The following PRRT3 variants were observed in gnomAD, a reference collection of about 807,000 sequenced individuals.
PRRT3 encodes the protein proline rich transmembrane protein 3.
PRRT3 carries 48 observed loss-of-function variants against 56.6 expected under a neutral mutation model. That is an observed-to-expected ratio of 0.85 (90% CI 0.67 to 1.08). The LOEUF (loss-of-function observed/expected upper bound fraction) is 1.08. Among genes scored for constraint, PRRT3 ranks in the 50% least tolerant of loss-of-function variants. The probability of loss-of-function intolerance (pLI) is 0.00; values close to 1 mark genes in which losing one functional copy is unlikely to be tolerated. For missense variants in PRRT3, 1,370 were observed against 1,353.1 expected, an observed-to-expected ratio of 1.01 and a Z score of -0.20; for synonymous variants, 641 against 619.1, an observed-to-expected ratio of 1.04 and a Z score of -0.52.
intron 3 of PRRT3, 200 bp from the exon 4 acceptor site, chr3:9,948,201 A>G (rs1439622796): frequency 2.2e-6 from 1 of 451,116 alleles, no homozygotes; most frequent in African/African-American, 2.0e-5. Context: ...AATGGATGTC[A>G]GCTATCATTT....
chr3:9,948,505 T>G, intron 3 of PRRT3: 1 of 511,868 alleles, frequency 2.0e-6, no homozygotes, highest in Non-Finnish European at 3.4e-6. Context: ...TTTTATATAT[T>G]TTTTTTGTTC....
chr3:9,948,641 T>C, intron 3 of PRRT3, 117 bp downstream of exon 3: 1 of 1,240,780 alleles, frequency 8.1e-7, no homozygotes, highest in Non-Finnish European at 1.2e-6. Flanking sequence ...GGCAACTCCT[T>C]TAAGGAGGTG....
At position 9,950,013 on chromosome 3, in the gene PRRT3, C is replaced by T; in HGVS notation, c.103G>A (p.Glu35Lys). The T allele has an allele frequency of 6.5e-7, 1 of 1,529,176 alleles. No individual in the cohort carries two copies. The highest frequency in any genetic ancestry group is 8.8e-7 in the Non-Finnish European group (1 of 1,141,446). The allele number at this position is 1,529,176 out of a possible 1,614,324, so 94.7% of individuals were successfully genotyped here. Residue 35 changes from glutamate to lysine, a missense_variant, in exon 2 of 4, where the codon GAA becomes AAA. Glu to Lys is a moderately conservative substitution (Grantham distance 56). Coordinates refer to ENST00000412055, the MANE Select transcript of PRRT3 (RefSeq NM_207351.5). ...ALGRGFPRPL[E>K]NSEIPMIPGA... ...GGGATCATAGGGATTTCGGAGTTTT[C>T]AAGTGGCCTGGGAAAGCCCCTCCCC...
At position 9,948,874 on chromosome 3, in the gene PRRT3, T is replaced by C. The variant is rs763915099; in HGVS notation, c.1055A>G (p.Gln352Arg). ...AMNGADPISP[Q>R]RVRGAVEAPG... ...GGCCTCCACAGCTCCTCTCACCCGC[T>C]GGGGGGAGATGGGGTCTGCTCCATT... is the stretch of plus-strand genomic sequence containing the variant. The change falls in exon 3 of 4, where the codon CAG (glutamine) becomes CGG (arginine). Residue 352 changes from glutamine to arginine, a missense_variant. By Grantham distance (43) the Gln-to-Arg change is conservative (BLOSUM62 1). Transcript: ENST00000412055. The C allele has an allele frequency of 1.1e-5, 17 of 1,604,504 alleles. No homozygotes were observed. In the Admixed American group the frequency reaches 2.9e-4, roughly 28 times the overall value.
In PRRT3 at chr3:9,949,416, G is replaced by GC. The variant is rs1433752990; in HGVS notation, c.699dup (p.Gln234AlafsTer18). On this transcript the variant is annotated frameshift_variant, in exon 2 of 4. Coordinates refer to ENST00000412055, the MANE Select transcript of PRRT3 (RefSeq NM_207351.5). LOFTEE classifies it high-confidence loss of function. This position sits in a 1 kb window ranked among gnomAD's most constrained non-coding sequence, Gnocchi z 4.5. ...AAGTGGGGACCTTGAGCTGCCTCCT[G>GC]CAAGTGTTCCTCAAACCCACCCTGT... 6.2e-7 allele frequency: 1 copy of GC among 1,614,142 alleles called. No individual in the cohort carries two copies. Among genetic ancestry groups the GC allele is most frequent in the Non-Finnish European group, 8.5e-7 (1 of 1,180,008 alleles).
chr3:9,946,898 C>T lies in PRRT3; in HGVS notation c.2275G>A (p.Ala759Thr). The change falls in exon 4 of 4, where the codon GCG becomes ACG. Residue 759 changes from alanine (A) to threonine (T), a missense_variant. Physicochemically the swap from Ala to Thr is moderately conservative, Grantham distance 58. Coordinates refer to ENST00000412055, the MANE Select transcript of PRRT3 (RefSeq NM_207351.5). The surrounding 1 kb of genome is among the most constrained non-coding windows in gnomAD (Gnocchi z 4.1). ...DISKSLIRNPAESGQLATPSS... is the reference protein window; with the variant it reads ...DISKSLIRNPTESGQLATPSS... ...GGCGTGGCCAGCTGCCCACTCTCCG[C>T]CGGGTTGCGGATGAGGCTCTTGCTG... 6.5e-7 allele frequency: 1 copy of T among 1,539,116 alleles called. No individual in the cohort carries two copies. The highest frequency in any genetic ancestry group is 8.7e-7 in the Non-Finnish European group (1 of 1,148,046).
Position 9,949,128 on chromosome 3 carries a change from CT to C in PRRT3, c.987del (p.Glu330ArgfsTer14). The C allele has an allele frequency of 6.2e-7, 1 of 1,610,008 alleles. No individual in the cohort carries two copies. Among genetic ancestry groups the C allele is most frequent in the Non-Finnish European group, 8.5e-7 (1 of 1,178,740 alleles). On this transcript the variant is annotated frameshift_variant, in exon 2 of 4. Transcript: ENST00000412055. LOFTEE classifies it high-confidence loss of function. The surrounding 1 kb of genome is among the most constrained non-coding windows in gnomAD (Gnocchi z 4.5). ...GGCTTAGACGGCCGATCAGGAGCCT[CT>C]GAGGCGGGTGGATCCGTGGGCTGGG... ...PGPQPTDPPA[S>X]EAPDRPSKPE...
chr3:9,945,753 G>A lies in PRRT3; in HGVS notation c.*474C>T, dbSNP rs922995347. ...AATATTAAAAGCAAAAAACGGCATGGGGGTGGGGTGAGTTCAAACCTGGCT... is the reference window on the plus strand; with the variant it reads ...AATATTAAAAGCAAAAAACGGCATGAGGGTGGGGTGAGTTCAAACCTGGCT... On this transcript the variant is annotated 3_prime_UTR_variant, in exon 4 of 4. Transcript: ENST00000412055. 1 of 153,942 alleles carries A rather than the reference G, an allele frequency of 6.5e-6. No homozygotes were observed. Among genetic ancestry groups the A allele is most frequent in the Non-Finnish European group, 1.5e-5 (1 of 68,766 alleles). 9.5% of individuals were successfully genotyped at this position (153,942 alleles called of 1,614,324 possible).
At chr3:9,948,580 T>C in intron 3 of PRRT3, 178 bp downstream of exon 3, 1 of 692,828 alleles carries the variant, frequency 1.4e-6, no homozygotes, top group South Asian at 1.9e-5. Context: ...TTCTCCCAGA[T>C]TTCCCAGTGA....
chr3:9,946,381 A>T lies in PRRT3; in HGVS notation c.2792T>A (p.Leu931Gln), dbSNP rs1218071689. ...CTGTACCGTGCTGGGCAACTCATCT[A>T]GGGGCAGACTGTCCACTGATGACAG... is the stretch of plus-strand genomic sequence containing the variant. The part of the protein sequence containing the change: ...HGLSSVDSLP[L>Q]DELPSTVQLL... The change falls in exon 4 of 4, where the codon CTA (leucine) becomes CAA (glutamine). Residue 931 changes from leucine (L) to glutamine (Q), a missense_variant. Physicochemically the swap from Leu to Gln is moderately radical, Grantham distance 113. Transcript: ENST00000412055. The surrounding 1 kb of genome is among the most constrained non-coding windows in gnomAD (Gnocchi z 4.1). The T allele has an allele frequency of 6.2e-7, 1 of 1,608,588 alleles. No homozygotes were observed. The highest frequency in any genetic ancestry group is 1.1e-5 in the South Asian group (1 of 90,664).
chr3:9,947,065 G>C lies in PRRT3; in HGVS notation c.2108C>G (p.Pro703Arg). The C allele has an allele frequency of 6.5e-7, 1 of 1,534,262 alleles. No homozygotes were observed. Among genetic ancestry groups the C allele is most frequent in the East Asian group, 2.4e-5 (1 of 40,818 alleles). The change falls in exon 4 of 4, where the codon CCC becomes CGC. Residue 703 changes from proline (P) to arginine (R), a missense_variant. Transcript: ENST00000412055. The surrounding 1 kb of genome is among the most constrained non-coding windows in gnomAD (Gnocchi z 9.2). The stretch of plus-strand genomic sequence containing the variant: ...GCAAGCGTGCTCCGTGGGCGGCCTG[G>C]GTCTCGCGGCAGCCACCGCGGCCAA... ...LALAAVAAAR[P>R]RPPTEHACWA...
In PRRT3 at chr3:9,948,887, G is replaced by T. The variant is rs1037823631; in HGVS notation, c.1042C>A (p.Pro348Thr). Residue 348 changes from proline to threonine, a missense_variant, in exon 3 of 4, where the codon CCC becomes ACC. Physicochemically the swap from Pro to Thr is conservative, Grantham distance 38. Transcript: ENST00000412055. The stretch of plus-strand genomic sequence containing the variant: ...CCTCTCACCCGCTGGGGGGAGATGG[G>T]GTCTGCTCCATTCATTGCTGCTCTC... ...PERAAMNGAD[P>T]ISPQRVRGAV... 2.5e-6 allele frequency: 4 copies of T among 1,598,090 alleles called. No individual in the cohort carries two copies. The highest frequency in any genetic ancestry group is 3.4e-6 in the Non-Finnish European group (4 of 1,172,080).
chr3:9,948,339 T>A (rs536714344), intron 3 of PRRT3: 15 of 344,306 alleles, frequency 4.4e-5, no homozygotes, highest in Middle Eastern at 7.3e-4. Context: ...ATTTTTTTCT[T>A]TTTTTCTTTT....
In PRRT3 at chr3:9,945,642, C is replaced by G. The variant is rs552062536; in HGVS notation, c.*585G>C. ...GAGTCTGGGGCACCTGCTCCCTGTTCTTCATGCCCGAATCCATGCACACCC... is the reference window on the plus strand; with the variant it reads ...GAGTCTGGGGCACCTGCTCCCTGTTGTTCATGCCCGAATCCATGCACACCC... On this transcript the variant is annotated 3_prime_UTR_variant, in exon 4 of 4. Coordinates refer to ENST00000412055, the MANE Select transcript of PRRT3 (RefSeq NM_207351.5). The G allele has an allele frequency of 5.9e-5, 9 of 153,520 alleles. No homozygotes were observed. Among genetic ancestry groups the G allele is most frequent in the African/African-American group, 1.9e-4 (8 of 41,554 alleles). 9.5% of individuals were successfully genotyped at this position (153,520 alleles called of 1,614,324 possible). A position where few individuals can be genotyped will look rare whatever the true frequency, so the allele number is the denominator to read the frequency against.
At chr3:9,951,606 G>A (rs1032968164) in intron 1 of PRRT3, among the ~76,000 whole-genome samples, 1 of 152,222 alleles carries the variant, frequency 6.6e-6, no homozygotes, top group Non-Finnish European at 1.5e-5. Flanking sequence ...CCCAGAGACA[G>A]GGCTTTGCTC....
In PRRT3 at chr3:9,947,160, G is replaced by A. The variant is rs1011095085; in HGVS notation, c.2013C>T (p.Phe671=). ...LYPGPGRVGR[F]SWAWWGVHFW... ...AGTGGACACCCCACCAGGCCCACGA[G>A]AAGCGGCCCACGCGGCCTGGGCCCG... is the stretch of plus-strand genomic sequence containing the variant. Residue 671 remains phenylalanine (F), a synonymous_variant, in exon 4 of 4, where the codon TTC becomes TTT. Transcript: ENST00000412055. This position sits in a 1 kb window ranked among gnomAD's most constrained non-coding sequence, Gnocchi z 9.2. The A allele has an allele frequency of 4.6e-6, 7 of 1,535,784 alleles. No individual in the cohort carries two copies. Among genetic ancestry groups the A allele is most frequent in the East Asian group, 2.5e-5 (1 of 40,714 alleles).
intron 1 of PRRT3, among the ~76,000 whole-genome samples, chr3:9,951,427 A>G (rs1264716785): frequency 6.6e-6 from 1 of 152,214 alleles, no homozygotes; most frequent in African/African-American, 2.4e-5. Context: ...CTCCCGGGGA[A>G]AAGACCCAGG....
chr3:9,951,929 A>G (rs2085625448), intron 1 of PRRT3, among the ~76,000 whole-genome samples: 1 of 152,242 alleles, frequency 6.6e-6, no homozygotes, highest in Non-Finnish European at 1.5e-5. Context: ...GGGGCCTCCA[A>G]AGATAAACAT....
In PRRT3 at chr3:9,949,365, C is replaced by T. The variant is rs371869548; in HGVS notation, c.751G>A (p.Asp251Asn). 1.9e-6 allele frequency: 3 copies of T among 1,614,072 alleles called. No homozygotes were observed. The highest frequency in any genetic ancestry group is 1.7e-6 in the Non-Finnish European group (2 of 1,180,048). ...TCAACTGGGGGTACTGAGCCAACAT[C>T]AGGGGCTGCTGGATCCTGCTGGGTG... is the stretch of plus-strand genomic sequence containing the variant. ...HFTQQDPAAPDVGSVPPVEVV... is the reference protein window; with the variant it reads ...HFTQQDPAAPNVGSVPPVEVV... The change falls in exon 2 of 4, where the codon GAT becomes AAT. Residue 251 changes from aspartate to asparagine, a missense_variant. Asp to Asn is a conservative substitution (Grantham distance 23, BLOSUM62 1). Coordinates refer to ENST00000412055, the MANE Select transcript of PRRT3 (RefSeq NM_207351.5). This position sits in a 1 kb window ranked among gnomAD's most constrained non-coding sequence, Gnocchi z 4.5.
Sources: gnomAD v4.1 joint callset for allele counts (sites outside exome capture counted in the v4.1 genomes callset) on GRCh38, gnomAD v4.1.1 for gene constraint, Gnocchi (gnomAD v3.1) non-coding constraint, MANE v1.5 for transcripts, NCBI Gene and HGNC (gene_info 2026-07-23, HGNC 2026-07-21) for gene names.